The following DPP6 variants were observed in gnomAD, a reference collection of about 807,000 sequenced individuals.
DPP6 encodes the protein A-type potassium channel modulatory protein DPP6.
DPP6 carries 69 observed loss-of-function variants against 122.6 expected under a neutral mutation model. The ratio of observed to expected loss-of-function variants is 0.56; its 90% CI spans 0.46 to 0.69. The LOEUF is 0.69. Ranked by LOEUF, DPP6 falls within the 30% of genes least tolerant of loss-of-function variation. The pLI, the probability that DPP6 is intolerant of heterozygous loss-of-function variation, is 0.00. For missense variants in DPP6, 928 were observed against 1,116.9 expected (o/e 0.83, Z 2.41); for synonymous variants, 418 against 433.1 (o/e 0.97, Z 0.43).
At chr7:154,653,619 C>CTGAT (rs138967979) in intron 6 of DPP6, among the ~76,000 whole-genome samples, 18,525 of 152,154 alleles carry the variant, frequency 0.12, 1,475 homozygotes, top group Non-Finnish European at 0.18. Flanking sequence ...AGATGATAGA[C>CTGAT]TGATTGGTTG....
At chr7:154,446,100 G>A in intron 1 of DPP6, 114 bp from the exon 2 acceptor site, 1 of 634,774 alleles carries the variant, frequency 1.6e-6, no homozygotes, top group East Asian at 2.9e-5. Flanking sequence ...ATGGGAAGAT[G>A]CCTCTTTCAC....
At chr7:154,041,117 C>G (rs557238636) in intron 1 of DPP6, among the ~76,000 whole-genome samples, 19 of 152,284 alleles carry the variant, frequency 1.2e-4, no homozygotes, top group African/African-American at 4.6e-4. Flanking sequence ...CTCTTTCAGA[C>G]TCATACTCCT....
intron 1 of DPP6, among the ~76,000 whole-genome samples, chr7:154,002,954 A>G (rs1034375080): frequency 8.5e-5 from 13 of 152,262 alleles, no homozygotes; most frequent in African/African-American, 2.6e-4. Context: ...TGGAAATGTC[A>G]GTGTCGCTTC....
intron 5 of DPP6, among the ~76,000 whole-genome samples, chr7:154,596,416 A>C (rs989439571): frequency 6.6e-6 from 1 of 152,268 alleles, no homozygotes; most frequent in Non-Finnish European, 1.5e-5. Flanking sequence ...CGGGCAGTGT[A>C]TAGACATTGT....
chr7:153,960,679 G>A (rs1028445485), intron 1 of DPP6, among the ~76,000 whole-genome samples: 3 of 145,982 alleles, frequency 2.1e-5, no homozygotes, highest in African/African-American at 5.1e-5. Context: ...GTGTATGTGT[G>A]TACATGCGTG....
chr7:153,843,937 C>A, the DPP6 span, among the ~76,000 whole-genome samples: 2 of 152,140 alleles, frequency 1.3e-5, no homozygotes, highest in Non-Finnish European at 2.9e-5. Context: ...AGAGCTGCGG[C>A]AAGATGAGGG....
chr7:154,044,313 G>C (rs1006569968), intron 1 of DPP6, among the ~76,000 whole-genome samples: 10 of 152,204 alleles, frequency 6.6e-5, no homozygotes, highest in African/African-American at 2.4e-4. Context: ...TGCTGATAAA[G>C]TTACAGTCCA....
intron 5 of DPP6, among the ~76,000 whole-genome samples, chr7:154,623,172 GAA>G (rs1834807197): frequency 6.6e-6 from 1 of 152,174 alleles, no homozygotes; most frequent in Non-Finnish European, 1.5e-5. Context: ...ACAGTTTGCA[GAA>G]AAGTCTCCAG....
At chr7:154,739,983 T>C (rs1384199111) in intron 8 of DPP6, among the ~76,000 whole-genome samples, 1 of 152,192 alleles carries the variant, frequency 6.6e-6, no homozygotes, top group Non-Finnish European at 1.5e-5. Flanking sequence ...GGCTATTGAG[T>C]ATTTTAATTC....
At chr7:154,471,222 G>T (rs144377757) in intron 2 of DPP6, among the ~76,000 whole-genome samples, 3,095 of 152,232 alleles carry the variant, frequency 0.02, 117 homozygotes, top group African/African-American at 0.069. Context: ...CCACACTCCC[G>T]CCTGGGTGAC....
chr7:153,816,731 A>G, the DPP6 span, among the ~76,000 whole-genome samples: 1 of 152,116 alleles, frequency 6.6e-6, no homozygotes, highest in East Asian at 1.9e-4. Flanking sequence ...TCCATGGCTC[A>G]GAGCACAGGT....
chr7:154,666,343 G>A (rs891356866), intron 6 of DPP6, among the ~76,000 whole-genome samples: 2 of 147,086 alleles, frequency 1.4e-5, no homozygotes, highest in African/African-American at 5.1e-5. Flanking sequence ...CATTGTATTG[G>A]GGGGGTATAG....
intron 3 of DPP6, among the ~76,000 whole-genome samples, chr7:154,507,193 G>A: frequency 6.6e-6 from 1 of 152,294 alleles, no homozygotes; most frequent in East Asian, 1.9e-4. Context: ...TGGAATGACA[G>A]AGAAGTTTTG....
At chr7:153,973,815 A>G (rs1347895073) in intron 1 of DPP6, among the ~76,000 whole-genome samples, 3 of 147,448 alleles carry the variant, frequency 2.0e-5, no homozygotes, top group African/African-American at 7.7e-5. Context: ...TGTGTTCAGG[A>G]AAGAGTACCT....
the DPP6 span, among the ~76,000 whole-genome samples, chr7:153,843,057 TACACGAGTGCATACACACGTGCGCACAC>T: frequency 8.6e-3 from 1,298 of 151,444 alleles, 12 homozygotes; most frequent in East Asian, 0.031. Flanking sequence ...CATGAGTGCA[TACACGAGTGCATACACACGTGCGCACAC>T]ACACGAGTGC....
intron 3 of DPP6, among the ~76,000 whole-genome samples, chr7:154,497,022 C>T (rs1366532571): frequency 6.6e-6 from 1 of 152,102 alleles, no homozygotes; most frequent in East Asian, 1.9e-4. Flanking sequence ...ACTATTTCAG[C>T]CACTGGGATA....
chr7:154,368,195 A>G (rs986095009), intron 1 of DPP6, among the ~76,000 whole-genome samples: 6 of 152,224 alleles, frequency 3.9e-5, no homozygotes, highest in Admixed American at 2.6e-4. Flanking sequence ...AGCGTAAACC[A>G]CAAACATGAA....
At chr7:154,666,766 T>C (rs761838807) in intron 6 of DPP6, among the ~76,000 whole-genome samples, 5 of 152,230 alleles carry the variant, frequency 3.3e-5, no homozygotes, top group Non-Finnish European at 5.9e-5. Context: ...TTGTTTCCAA[T>C]ATTTGCAACT....
intron 2 of DPP6, among the ~76,000 whole-genome samples, chr7:154,460,958 A>G (rs1821247811): frequency 6.6e-6 from 1 of 152,012 alleles, no homozygotes; most frequent in African/African-American, 2.4e-5. Flanking sequence ...TTCTAACTCT[A>G]TTTTTGTACC....
Sources: allele counts gnomAD v4.1 joint callset (sites outside exome capture counted in the v4.1 genomes callset), GRCh38; gene constraint gnomAD v4.1.1; transcripts MANE v1.5; gene names NCBI Gene and HGNC (gene_info 2026-07-23, HGNC 2026-07-21).